PTCHD4: variants seen among roughly 807,000 people sequenced by gnomAD.
The protein encoded by PTCHD4 is patched domain-containing protein 4.
Under a neutral mutation model 58.1 loss-of-function variants are expected in PTCHD4, and 33 were observed. That is an observed-to-expected ratio of 0.57 (90% CI 0.43 to 0.76). The LOEUF is 0.76. Ranked by LOEUF, PTCHD4 falls within the 30% of genes least tolerant of loss-of-function variation. The probability of loss-of-function intolerance (pLI) is 0.00; values close to 1 mark genes in which losing one functional copy is unlikely to be tolerated. For missense variants in PTCHD4, 1,058 were observed against 1,027.1 expected (o/e 1.03, Z -0.41); for synonymous variants, 478 against 409.6 (o/e 1.17, Z -2.02).
chr6:47,950,524 C>T (rs2018979064), intron 4 of PTCHD4, among the ~76,000 whole-genome samples: 2 of 151,960 alleles, frequency 1.3e-5, no homozygotes, highest in Non-Finnish European at 2.9e-5. Context: ...AAATTTTTGG[C>T]CAAAGCAAAG....
rs1313876379 is a variant in PTCHD4 at position 47,860,688 on chromosome 6, G to A, written c.*17615C>T. 3.3e-5 allele frequency among the ~76,000 whole-genome samples: 5 copies of A among 151,966 alleles called. No homozygotes were observed. In the East Asian group the frequency reaches 9.8e-4, roughly 30 times the overall value. On this transcript the variant is annotated 3_prime_UTR_variant, in exon 5 of 5. Coordinates refer to ENST00000339488, the MANE Select transcript of PTCHD4 (RefSeq NM_001384253.1). Reference sequence around the variant, plus strand: ...AGAGTATTGTTACCTAGCAGGGTCAGGGCTATTAGTGGAGCAGAAATTATA... The same window carrying A: ...AGAGTATTGTTACCTAGCAGGGTCAAGGCTATTAGTGGAGCAGAAATTATA...
At chr6:47,916,994 A>T (rs1433894716) in intron 4 of PTCHD4, among the ~76,000 whole-genome samples, 1 of 152,116 alleles carries the variant, frequency 6.6e-6, no homozygotes, top group Non-Finnish European at 1.5e-5. Flanking sequence ...TTATTTGTCT[A>T]TAGAGATTCA....
chr6:47,976,689 A>C (rs1186442508), intron 4 of PTCHD4, among the ~76,000 whole-genome samples: 1 of 149,888 alleles, frequency 6.7e-6, no homozygotes, highest in Non-Finnish European at 1.5e-5. Context: ...TAAATAAATA[A>C]ATAAATAAAA....
intron 3 of PTCHD4, among the ~76,000 whole-genome samples, chr6:48,026,140 G>T (rs919015120): frequency 6.6e-6 from 1 of 152,106 alleles, no homozygotes; most frequent in Admixed American, 6.6e-5. Context: ...AGTTCTTTCT[G>T]GTAGCAAGCT....
intron 4 of PTCHD4, among the ~76,000 whole-genome samples, chr6:47,971,799 A>C (rs571192335): frequency 2.4e-4 from 37 of 152,284 alleles, no homozygotes; most frequent in South Asian, 8.3e-4. Context: ...AATCTATAGG[A>C]AATTTCAAGG....
At chr6:48,007,441 C>A (rs1031723088) in intron 4 of PTCHD4, among the ~76,000 whole-genome samples, 1 of 152,142 alleles carries the variant, frequency 6.6e-6, no homozygotes, top group African/African-American at 2.4e-5. Flanking sequence ...ACGCCTGCAT[C>A]TTTTTAAATT....
chr6:48,070,163 A>G (rs1764951216), intron 1 of PTCHD4, among the ~76,000 whole-genome samples: 1 of 151,622 alleles, frequency 6.6e-6, no homozygotes, highest in African/African-American at 2.4e-5. Flanking sequence ...GTGTATATAT[A>G]TATATGAATT....
At chr6:48,103,626 A>T (rs1237858417) in intron 1 of PTCHD4, among the ~76,000 whole-genome samples, 3 of 152,238 alleles carry the variant, frequency 2.0e-5, no homozygotes, top group Non-Finnish European at 4.4e-5. Context: ...TTGAGAGAGG[A>T]AGGCTTCAGA....
At chr6:47,993,358 T>A (rs563322984) in intron 4 of PTCHD4, among the ~76,000 whole-genome samples, 3 of 152,262 alleles carry the variant, frequency 2.0e-5, no homozygotes, top group African/African-American at 4.8e-5. Flanking sequence ...CATATCCCAA[T>A]AGCTAAGATA....
chr6:47,895,309 G>T (rs1764500146), intron 4 of PTCHD4, among the ~76,000 whole-genome samples: 1 of 152,012 alleles, frequency 6.6e-6, no homozygotes, highest in Non-Finnish European at 1.5e-5. Context: ...AAACTCTAGG[G>T]TTTTTTTCAG....
chr6:47,872,364 A>G lies in PTCHD4; in HGVS notation c.*5939T>C, dbSNP rs1763738851. 6.6e-6 allele frequency among the ~76,000 whole-genome samples: 1 copy of G among 151,614 alleles called. No individual in the cohort carries two copies. The highest frequency in any genetic ancestry group is 2.4e-5 in the African/African-American group (1 of 41,350). On this transcript the variant is annotated 3_prime_UTR_variant, in exon 5 of 5. Transcript: ENST00000339488. Reference sequence around the variant, plus strand: ...CTGGTTTGACAGAGCCTTGTGGGCAATGTGCTTACTCTACAAACTGTGGCA... The same window carrying G: ...CTGGTTTGACAGAGCCTTGTGGGCAGTGTGCTTACTCTACAAACTGTGGCA...
rs748863908 is a variant in PTCHD4 at position 48,008,770 on chromosome 6, G to A, written c.762C>T (p.Cys254=). 1 of 1,613,994 alleles carries A rather than the reference G, an allele frequency of 6.2e-7. No homozygotes were observed. Among genetic ancestry groups the A allele is most frequent in the South Asian group, 1.1e-5 (1 of 91,084 alleles). ...TATLSSSMKD[C]LRSKPFLGLL... ...GGCCCAGGAAGGGCTTACTGCGCAA[G>A]CAGTCCTTCATGGAGCTGGAGAGGG... Residue 254 remains cysteine, a synonymous_variant, in exon 4 of 5, where the codon TGC becomes TGT. Coordinates refer to ENST00000339488, the MANE Select transcript of PTCHD4 (RefSeq NM_001384253.1).
chr6:48,071,386 A>T (rs751427845), intron 1 of PTCHD4, among the ~76,000 whole-genome samples: 1 of 152,218 alleles, frequency 6.6e-6, no homozygotes, highest in East Asian at 1.9e-4. Flanking sequence ...CTGAATGTTA[A>T]CTGAAGAATT....
At chr6:48,026,828 T>C (rs1429342335) in intron 3 of PTCHD4, among the ~76,000 whole-genome samples, 1 of 152,080 alleles carries the variant, frequency 6.6e-6, no homozygotes, top group Admixed American at 6.6e-5. Flanking sequence ...AGATTACATA[T>C]TGGGGCAGAC....
In PTCHD4 at chr6:48,069,505, A is replaced by C. The variant is rs1280558938; in HGVS notation, c.-548T>G. Among the ~76,000 whole-genome samples the C allele has an allele frequency of 6.6e-6, 1 of 152,074 alleles. No homozygotes were observed. Among genetic ancestry groups the C allele is most frequent in the Non-Finnish European group, 1.5e-5 (1 of 68,022 alleles). Reference sequence around the variant, plus strand: ...TAACACACCACACAGCATGCAAGGGATTTCCTCGCAACACCTTCCTCGCTG... The same window carrying C: ...TAACACACCACACAGCATGCAAGGGCTTTCCTCGCAACACCTTCCTCGCTG... On this transcript the variant is annotated 5_prime_UTR_variant, in exon 2 of 5. Transcript: ENST00000339488.
chr6:48,088,954 A>C (rs1392689877), intron 1 of PTCHD4, among the ~76,000 whole-genome samples: 1 of 152,166 alleles, frequency 6.6e-6, no homozygotes, highest in East Asian at 1.9e-4. Flanking sequence ...CTGGGGCAAG[A>C]GAATCGCTTG....
intron 4 of PTCHD4, among the ~76,000 whole-genome samples, chr6:47,952,354 C>T (rs1211770085): frequency 1.1e-4 from 17 of 152,026 alleles, no homozygotes; most frequent in African/African-American, 1.9e-4. Context: ...TTTTTGTTGT[C>T]GGTCTATCAA....
In PTCHD4 at chr6:47,871,685, A is replaced by C. The variant is rs561188785; in HGVS notation, c.*6618T>G. On this transcript the variant is annotated 3_prime_UTR_variant, in exon 5 of 5. Transcript: ENST00000339488. ...ATAAATAATATTGCTTTGTGGCTTT[A>C]ATATATTGCCATTTAATCAAAGATT... Among the ~76,000 whole-genome samples, 2 of 151,792 alleles carry C rather than the reference A, an allele frequency of 1.3e-5. No individual in the cohort carries two copies. The highest frequency in any genetic ancestry group is 3.9e-4 in the East Asian group (2 of 5,144).
At chr6:47,946,594 C>A (rs1432863028) in intron 4 of PTCHD4, among the ~76,000 whole-genome samples, 1 of 152,052 alleles carries the variant, frequency 6.6e-6, no homozygotes, top group Non-Finnish European at 1.5e-5. Flanking sequence ...GGATGTATAT[C>A]TTATAAACAG....
Sources: allele counts gnomAD v4.1 joint callset (sites outside exome capture counted in the v4.1 genomes callset), GRCh38; gene constraint gnomAD v4.1.1; transcripts MANE v1.5; gene names NCBI Gene and HGNC (gene_info 2026-07-23, HGNC 2026-07-21).